The following SLC6A17 variants were observed in gnomAD, a reference collection of about 807,000 sequenced individuals.
The protein encoded by SLC6A17 is solute carrier family 6 member 17.
A neutral mutation model predicts 64.5 loss-of-function variants in SLC6A17; 21 were observed. That is an observed-to-expected ratio of 0.33 (90% confidence interval 0.23 to 0.47). SLC6A17 has a LOEUF of 0.47. Ranked by LOEUF, SLC6A17 falls within the 20% of genes least tolerant of loss-of-function variation. The pLI is 1.00. For missense variants in SLC6A17, 682 were observed against 963.2 expected (o/e 0.71, Z 3.86); for synonymous variants, 372 against 399.5 (o/e 0.93, Z 0.82).
chr1:110,174,247 A>G, intron 4 of SLC6A17, 148 bp downstream of exon 4: 1 of 1,179,774 alleles, frequency 8.5e-7, no homozygotes, highest in African/African-American at 1.6e-5. Flanking sequence ...CCCCTTCCCC[A>G]GTGGGAATGG....
intron 1 of SLC6A17, among the ~76,000 whole-genome samples, chr1:110,165,694 G>T (rs556477549): frequency 6.6e-6 from 1 of 152,336 alleles, no homozygotes; most frequent in African/African-American, 2.4e-5. Flanking sequence ...GACGGGCCTG[G>T]CCCTTGAACT....
At chr1:110,197,774 G>C (rs1034088150) in intron 11 of SLC6A17, among the ~76,000 whole-genome samples, 175 bp downstream of exon 11, 4 of 152,250 alleles carry the variant, frequency 2.6e-5, no homozygotes, top group African/African-American at 9.6e-5. Context: ...CATCATCCCT[G>C]TAGCACAAAC....
chr1:110,189,613 G>A (rs138986675), intron 6 of SLC6A17, among the ~76,000 whole-genome samples: 66 of 152,186 alleles, frequency 4.3e-4, no homozygotes, highest in African/African-American at 1.5e-3. Context: ...GCTTTCTTAG[G>A]GTGAAGACAG....
At chr1:110,170,345 G>A (rs1047149258) in intron 2 of SLC6A17, among the ~76,000 whole-genome samples, 1 of 152,122 alleles carries the variant, frequency 6.6e-6, no homozygotes, top group Admixed American at 6.6e-5. Flanking sequence ...TTAGCCGGGC[G>A]TGGTGGCGGG....
intron 10 of SLC6A17, among the ~76,000 whole-genome samples, chr1:110,196,797 T>C (rs978540733): frequency 6.6e-6 from 1 of 152,230 alleles, no homozygotes; most frequent in Non-Finnish European, 1.5e-5. Context: ...AAATCAGCGA[T>C]GACTCAATAT....
intron 6 of SLC6A17, among the ~76,000 whole-genome samples, chr1:110,189,547 T>A (rs1157894231): frequency 6.6e-6 from 1 of 152,252 alleles, no homozygotes; most frequent in Non-Finnish European, 1.5e-5. Context: ...CTTTTGGAAA[T>A]GCACATGATT....
At chr1:110,194,884 C>G in intron 9 of SLC6A17, 113 bp downstream of exon 9, 1 of 1,308,348 alleles carries the variant, frequency 7.6e-7, no homozygotes, top group Non-Finnish European at 1.1e-6. Context: ...AGGCTCCACC[C>G]CACACTGGGA....
At position 110,198,387 on chromosome 1, in the gene SLC6A17, C is replaced by A. The variant is rs1394555227; in HGVS notation, c.2127C>A (p.Pro709=). The A allele has an allele frequency of 5.0e-6, 8 of 1,613,908 alleles. No homozygotes were observed. The African/African-American group carries it at 1.1e-4, about 22-fold the overall frequency. The change falls in exon 12 of 12, where the codon CCC becomes CCA. Residue 709 remains proline, a synonymous_variant. Transcript: ENST00000331565. ...STSPLETSGN[P]NGRYGSGYLL... ...CACCCCTGGAGACCAGCGGTAACCCCAATGGACGCTATGGGAGCGGCTACC... is the reference window on the plus strand; with the variant it reads ...CACCCCTGGAGACCAGCGGTAACCCAAATGGACGCTATGGGAGCGGCTACC...
At chr1:110,185,138 A>G (rs1445441063) in intron 6 of SLC6A17, among the ~76,000 whole-genome samples, 2 of 152,186 alleles carry the variant, frequency 1.3e-5, no homozygotes. Flanking sequence ...ACTCTACCTC[A>G]TCACTCAGCA....
At chr1:110,195,541 C>T (rs757989627) in intron 9 of SLC6A17, 45 bp from the exon 10 acceptor site, 1 of 1,607,778 alleles carries the variant, frequency 6.2e-7, no homozygotes, top group Non-Finnish European at 8.5e-7. Flanking sequence ...GGGCCCTGCC[C>T]ACCCTGCACC....
At position 110,192,567 on chromosome 1, in the gene SLC6A17, C is replaced by T. The variant is rs1485433181; in HGVS notation, c.1168C>T (p.Pro390Ser). Reference protein sequence around the residue: ...TNVLSRDLIPPHVNFSHLTTK... With the variant: ...TNVLSRDLIPSHVNFSHLTTK... ...CGTCCTGAGCCGGGACCTCATCCCA[C>T]CCCACGTCAACTTCTCCCACCTGAC... is the stretch of plus-strand genomic sequence containing the variant. The change falls in exon 8 of 12, where the codon CCC becomes TCC. Residue 390 changes from proline (P) to serine (S), a missense_variant. This residue lies in a region of SLC6A17 where 415 missense variants were observed against 603.8 expected (regional missense o/e 0.69). Coordinates refer to ENST00000331565, the MANE Select transcript of SLC6A17 (RefSeq NM_001010898.4). The surrounding 1 kb of genome is among the most constrained non-coding windows in gnomAD (Gnocchi z 4.3). 3 of 1,614,190 alleles carry T rather than the reference C, an allele frequency of 1.9e-6. No individual in the cohort carries two copies. Among genetic ancestry groups the T allele is most frequent in the Non-Finnish European group, 2.5e-6 (3 of 1,180,018 alleles).
chr1:110,184,623 G>T (rs1656629842), intron 6 of SLC6A17, among the ~76,000 whole-genome samples: 1 of 152,186 alleles, frequency 6.6e-6, no homozygotes, highest in Non-Finnish European at 1.5e-5. Flanking sequence ...CAGTGTGCCA[G>T]GAGCTCTGGG....
intron 8 of SLC6A17, 119 bp from the exon 9 acceptor site, chr1:110,194,459 TG>T: frequency 1.9e-6 from 2 of 1,065,736 alleles, no homozygotes; most frequent in Non-Finnish European, 2.7e-6. Context: ...TAGGTGGAGG[TG>T]GGAACCCCTG....
chr1:110,150,585 G>T lies in SLC6A17; in HGVS notation c.-386G>T, dbSNP rs1655568241. 6.6e-6 allele frequency: 1 copy of T among 152,312 alleles called. No homozygotes were observed. The highest frequency in any genetic ancestry group is 2.4e-5 in the African/African-American group (1 of 41,468). The allele number at this position is 152,312 out of a possible 1,614,324, so 9.4% of individuals were successfully genotyped here. ...GCGCTGCCAGGGCGCAGGGAGGGCG[G>T]CACTCGGCCCCAGTCTTCGCAATCC... On this transcript the variant is annotated 5_prime_UTR_variant, in exon 1 of 12. Transcript: ENST00000331565.
chr1:110,173,832 C>G (rs550391545), intron 3 of SLC6A17, 141 bp from the exon 4 acceptor site: 2 of 1,264,866 alleles, frequency 1.6e-6, no homozygotes, highest in East Asian at 2.6e-5. Context: ...CTCCACGGCC[C>G]GCACCCTATC....
chr1:110,194,337 C>T (rs974509859), intron 8 of SLC6A17, among the ~76,000 whole-genome samples: 13 of 152,198 alleles, frequency 8.5e-5, no homozygotes, highest in Admixed American at 2.0e-4. Flanking sequence ...TGGTACAACC[C>T]GTAGATTCCA....
chr1:110,188,727 T>C (rs1298246299), intron 6 of SLC6A17, among the ~76,000 whole-genome samples: 12 of 152,174 alleles, frequency 7.9e-5, no homozygotes, highest in Non-Finnish European at 1.8e-4. Context: ...CAAGACAACA[T>C]ATAAAAATGC....
chr1:110,187,769 T>G (rs765647498), intron 6 of SLC6A17, among the ~76,000 whole-genome samples: 3 of 152,240 alleles, frequency 2.0e-5, no homozygotes, highest in Non-Finnish European at 4.4e-5. Flanking sequence ...CTTCCAGGCA[T>G]AAGTCACCCT....
Position 110,192,020 on chromosome 1 carries a change from G to C in SLC6A17, c.913G>C (p.Val305Leu). The C allele has an allele frequency of 6.2e-7, 1 of 1,614,174 alleles. No individual in the cohort carries two copies. The highest frequency in any genetic ancestry group is 8.5e-7 in the Non-Finnish European group (1 of 1,180,016). ...GGTGTGGCGGGAGGCAGCTACCCAG[G>C]TCTTCTTTGCCTTGGGCCTGGGCTT... ...PQVWREAATQ[V>L]FFALGLGFGG... is the part of the protein sequence containing the mutation. Residue 305 changes from valine (V) to leucine (L), a missense_variant, in exon 7 of 12, where the codon GTC becomes CTC. Val to Leu is a conservative substitution (Grantham distance 32, BLOSUM62 1). Transcript: ENST00000331565. The surrounding 1 kb of genome is among the most constrained non-coding windows in gnomAD (Gnocchi z 4.3).
Sources: gnomAD v4.1 joint callset for allele counts (sites outside exome capture counted in the v4.1 genomes callset) on GRCh38, gnomAD v4.1.1 for gene constraint, gnomAD v4.1.1 regional missense constraint, Gnocchi (gnomAD v3.1) non-coding constraint, MANE v1.5 for transcripts, NCBI Gene and HGNC (gene_info 2026-07-23, HGNC 2026-07-21) for gene names.